TAF5: variants seen among roughly 807,000 people sequenced by gnomAD.
TAF5 encodes transcription initiation factor TFIID subunit 5.
In TAF5, 20 loss-of-function variants were observed where a neutral mutation model predicts 80.9. The ratio of observed to expected loss-of-function variants is 0.25; its 90% CI spans 0.17 to 0.36. TAF5 has a LOEUF of 0.36. TAF5 is among the 10% of genes least tolerant of loss of function. The probability of loss-of-function intolerance (pLI) is 1.00; values close to 1 mark genes in which losing one functional copy is unlikely to be tolerated. For missense variants in TAF5, 863 were observed against 1,029.4 expected, an observed-to-expected ratio of 0.84 and a Z score of 2.21; for synonymous variants, 388 against 406.4, an observed-to-expected ratio of 0.95 and a Z score of 0.55.
chr10:103,370,135 G>A (rs1284358639), intron 1 of TAF5, among the ~76,000 whole-genome samples: 1 of 151,576 alleles, frequency 6.6e-6, no homozygotes, highest in Admixed American at 6.6e-5. Flanking sequence ...GGGGGGCTGA[G>A]GCAGGAGAAT....
Position 103,377,982 on chromosome 10 carries a change from G to A in TAF5, c.798-253G>A, listed in dbSNP as rs1007574725. ...GGTGGGTATATTATTTTTCACTTAG[G>A]ATATTTAAGTTCTTTTCTTAAAATG... On this transcript the variant is annotated intron_variant, in intron 2 of 10. Coordinates refer to ENST00000369839, the MANE Select transcript of TAF5 (RefSeq NM_006951.5). 5.3e-5 allele frequency among the ~76,000 whole-genome samples: 8 copies of A among 152,014 alleles called. No individual in the cohort carries two copies. In the East Asian group the frequency reaches 9.6e-4, roughly 18 times the overall value.
At chr10:103,369,539 A>G (rs1032682447) in intron 1 of TAF5, among the ~76,000 whole-genome samples, 42 of 151,816 alleles carry the variant, frequency 2.8e-4, no homozygotes, top group African/African-American at 1.0e-3. Flanking sequence ...TTAAAAATAT[A>G]TTTTTAGTAG....
intron 2 of TAF5, among the ~76,000 whole-genome samples, chr10:103,375,054 G>A (rs2093367416): frequency 1.3e-5 from 2 of 150,780 alleles, no homozygotes; most frequent in Non-Finnish European, 2.9e-5. Flanking sequence ...GGGAGATAGA[G>A]GTTGCAGTGA....
In TAF5 at chr10:103,380,265, A is replaced by G. The variant is rs530645718; in HGVS notation, c.1413+246A>G. Among the ~76,000 whole-genome samples, 9 of 152,058 alleles carry G rather than the reference A, an allele frequency of 5.9e-5. No homozygotes were observed. In the East Asian group the frequency reaches 1.6e-3, roughly 26 times the overall value. On this transcript the variant is annotated intron_variant, in intron 5 of 10. Coordinates refer to ENST00000369839, the MANE Select transcript of TAF5 (RefSeq NM_006951.5). ...TGCCTCAGCTTCCCCAGCAGCTGGG[A>G]CTACAGGCGCATACCGCCATGCCCG...
intron 1 of TAF5, among the ~76,000 whole-genome samples, chr10:103,368,918 G>A (rs953584798): frequency 6.6e-6 from 1 of 152,036 alleles, no homozygotes; most frequent in African/African-American, 2.4e-5. Flanking sequence ...AGTACTGTAA[G>A]TACTTTATTT....
At chr10:103,376,319 G>T (rs1476013388) in intron 2 of TAF5, among the ~76,000 whole-genome samples, 2 of 151,914 alleles carry the variant, frequency 1.3e-5, no homozygotes, top group African/African-American at 2.4e-5. Flanking sequence ...TTGAACTCCC[G>T]ACCTCAGGTG....
intron 6 of TAF5, 133 bp downstream of exon 6, chr10:103,381,974 T>G: frequency 7.8e-7 from 1 of 1,276,718 alleles, no homozygotes; most frequent in Non-Finnish European, 1.1e-6. Context: ...GATTCTAACA[T>G]TCCCAACAGT....
rs1301080566 is a variant in TAF5, at chr10:103,388,099, A to G, written c.2279A>G (p.Asn760Ser). The change falls in exon 11 of 11, where the codon AAT (asparagine) becomes AGT (serine). Residue 760 changes from asparagine to serine, a missense_variant. Transcript: ENST00000369839. Reference sequence around the variant, plus strand: ...TTTACTACAGCCACTGGGCATATAAATTTACCTGAGAATTCACAGGAGTTA... The same window carrying G: ...TTTACTACAGCCACTGGGCATATAAGTTTACCTGAGAATTCACAGGAGTTA... ...DDFTTATGHI[N>S]LPENSQELLL... is the part of the protein sequence containing the mutation. 1 of 1,614,074 alleles carries G rather than the reference A, an allele frequency of 6.2e-7. No individual in the cohort carries two copies.
Position 103,374,311 on chromosome 10 carries a change from G to A in TAF5, c.797+716G>A, listed in dbSNP as rs1447609814. Among the ~76,000 whole-genome samples, 4 of 152,144 alleles carry A rather than the reference G, an allele frequency of 2.6e-5. No homozygotes were observed. Among genetic ancestry groups the A allele is most frequent in the Non-Finnish European group, 5.9e-5 (4 of 68,014 alleles). Reference sequence around the variant, plus strand: ...TTTTTCTCGTAAATGTGGGACATTCGGGATTGGTGTGGTGGGTTCTTCATT... The same window carrying A: ...TTTTTCTCGTAAATGTGGGACATTCAGGATTGGTGTGGTGGGTTCTTCATT... On this transcript the variant is annotated intron_variant, in intron 2 of 10. Coordinates refer to ENST00000369839, the MANE Select transcript of TAF5 (RefSeq NM_006951.5). The surrounding 1 kb of genome is among the most constrained non-coding windows in gnomAD (Gnocchi z 4.3).
chr10:103,368,500 G>C lies in TAF5; in HGVS notation c.511G>C (p.Ala171Pro). Reference protein sequence around the residue: ...PDPPGTGASGATVVSGSASGP... With the variant: ...PDPPGTGASGPTVVSGSASGP... ...CCCTCCGGGCACTGGCGCTTCGGGG[G>C]CCACGGTCGTCTCAGGTTCAGCCTC... Residue 171 changes from alanine to proline, a missense_variant, in exon 1 of 11, where the codon GCC becomes CCC. By Grantham distance (27) the Ala-to-Pro change is conservative. Around this residue, in one of 3 missense-constraint regions of TAF5, gnomAD observed 367 missense variants for 335.5 expected, o/e 1.09. Coordinates refer to ENST00000369839, the MANE Select transcript of TAF5 (RefSeq NM_006951.5). 1 of 1,570,784 alleles carries C rather than the reference G, an allele frequency of 6.4e-7. No individual in the cohort carries two copies.
In TAF5 at chr10:103,383,345, G is replaced by A. The variant is rs2093387662; in HGVS notation, c.1642G>A (p.Gly548Arg). ...ILYGHSGPVYGASFSPDRNYL... is the reference protein window; with the variant it reads ...ILYGHSGPVYRASFSPDRNYL... ...GTATGGTCACAGTGGGCCTGTCTACGGAGCCAGCTTCAGTCCGGATAGGTA... is the reference window on the plus strand; with the variant it reads ...GTATGGTCACAGTGGGCCTGTCTACAGAGCCAGCTTCAGTCCGGATAGGTA... The change falls in exon 7 of 11, where the codon GGA becomes AGA. Residue 548 changes from glycine to arginine, a missense_variant. This residue lies in a region of TAF5 where 368 missense variants were observed against 461.7 expected (regional missense o/e 0.80). Transcript: ENST00000369839. 2.5e-6 allele frequency: 4 copies of A among 1,598,214 alleles called. No individual in the cohort carries two copies. Among genetic ancestry groups the A allele is most frequent in the Non-Finnish European group, 3.4e-6 (4 of 1,175,618 alleles).
At chr10:103,370,667 A>G (rs534414424) in intron 1 of TAF5, among the ~76,000 whole-genome samples, 83 of 152,156 alleles carry the variant, frequency 5.5e-4, no homozygotes, top group African/African-American at 1.9e-3. Flanking sequence ...AATGTTTGGT[A>G]TGGATAAGTT....
chr10:103,383,595 T>TG (rs11438882), intron 7 of TAF5, among the ~76,000 whole-genome samples: 3 of 132,732 alleles, frequency 2.3e-5, no homozygotes, highest in Non-Finnish European at 5.1e-5. Context: ...TTTTTTTTTT[T>TG]GAGACAGAGT....
At chr10:103,385,185 A>T in intron 7 of TAF5, 141 bp from the exon 8 acceptor site, 2 of 646,634 alleles carry the variant, frequency 3.1e-6, no homozygotes, top group Non-Finnish European at 5.0e-6. Flanking sequence ...TGTATGAATT[A>T]AAAGTGAGAT....
chr10:103,383,181 C>T, intron 6 of TAF5, 57 bp from the exon 7 acceptor site: 1 of 1,457,744 alleles, frequency 6.9e-7, no homozygotes, highest in Non-Finnish European at 9.1e-7. Flanking sequence ...GATATGATTA[C>T]TTTAAAAGTT....
In TAF5 at chr10:103,388,218, C is replaced by T. The variant is rs1215994154; in HGVS notation, c.2398C>T (p.Gln800Ter). Reference protein sequence around the residue: ...LVLAAGAYSPQ With the variant: ...LVLAAGAYSP ...TCTAGCTGCAGGAGCTTATAGTCCA[C>T]AATAAACCATCGGTATTAAAGACCT... The change falls in exon 11 of 11, where the codon CAA becomes TAA. Residue 800 changes from glutamine (Q) to a stop codon, truncating the protein, a stop_gained. Transcript: ENST00000369839. LOFTEE classifies it high-confidence loss of function. 6.2e-7 allele frequency: 1 copy of T among 1,612,108 alleles called. No individual in the cohort carries two copies. Among genetic ancestry groups the T allele is most frequent in the South Asian group, 1.1e-5 (1 of 90,730 alleles).
intron 1 of TAF5, among the ~76,000 whole-genome samples, chr10:103,372,583 C>A (rs561055147): frequency 1.3e-5 from 2 of 150,988 alleles, no homozygotes; most frequent in East Asian, 4.1e-4. Flanking sequence ...ATCCACCTGT[C>A]TCAGCCTCCC....
chr10:103,372,823 G>C (rs1191739284), intron 1 of TAF5, among the ~76,000 whole-genome samples: 1 of 151,460 alleles, frequency 6.6e-6, no homozygotes, highest in Non-Finnish European at 1.5e-5. Flanking sequence ...TTGAACCCGA[G>C]ATGGGGAGGT....
chr10:103,383,230 C>T lies in TAF5; in HGVS notation c.1535-8C>T. ...TTATAAAATATCAATATTTCTGGAC[C>T]ATTTTAGATCTTAGTCTTATAGACA... On this transcript the variant is annotated splice_region_variant and splice_polypyrimidine_tract_variant and intron_variant, in intron 6 of 10. Coordinates refer to ENST00000369839, the MANE Select transcript of TAF5 (RefSeq NM_006951.5). 1 of 1,546,230 alleles carries T rather than the reference C, an allele frequency of 6.5e-7. No homozygotes were observed. The highest frequency in any genetic ancestry group is 8.7e-7 in the Non-Finnish European group (1 of 1,150,302).
Sources: gnomAD v4.1 joint callset for allele counts (sites outside exome capture counted in the v4.1 genomes callset) on GRCh38, gnomAD v4.1.1 for gene constraint, gnomAD v4.1.1 regional missense constraint, Gnocchi (gnomAD v3.1) non-coding constraint, MANE v1.5 for transcripts, NCBI Gene and HGNC (gene_info 2026-07-23, HGNC 2026-07-21) for gene names.